ADAM23: variants seen among roughly 807,000 people sequenced by gnomAD.
ADAM23 encodes the protein disintegrin and metalloproteinase domain-containing protein 23.
ADAM23 carries 33 observed loss-of-function variants against 120.1 expected under a neutral mutation model. The ratio of observed to expected loss-of-function variants is 0.27; its 90% CI spans 0.21 to 0.37. The LOEUF is 0.37. ADAM23 is among the 10% of genes least tolerant of loss of function. The pLI, the probability that ADAM23 is intolerant of heterozygous loss-of-function variation, is 1.00. For missense variants in ADAM23, 862 were observed against 1,058.2 expected, an observed-to-expected ratio of 0.81 and a Z score of 2.57; for synonymous variants, 367 against 375.2, an observed-to-expected ratio of 0.98 and a Z score of 0.25.
intron 25 of ADAM23, among the ~76,000 whole-genome samples, chr2:206,612,044 G>C (rs1170208554): frequency 6.6e-6 from 1 of 152,100 alleles, no homozygotes; most frequent in East Asian, 1.9e-4. Context: ...CACACAATAG[G>C]GTGAAGTATT....
At chr2:206,481,545 A>G (rs1695897338) in intron 3 of ADAM23, among the ~76,000 whole-genome samples, 1 of 152,206 alleles carries the variant, frequency 6.6e-6, no homozygotes, top group African/African-American at 2.4e-5. Flanking sequence ...TTTAAATGGA[A>G]TAAATATTTG....
chr2:206,502,080 G>A (rs1445635242), intron 3 of ADAM23, among the ~76,000 whole-genome samples: 1 of 152,050 alleles, frequency 6.6e-6, no homozygotes, highest in African/African-American at 2.4e-5. Context: ...CCTTTGCCTT[G>A]ATTTGGGGAA....
At chr2:206,469,904 A>C (rs185908899) in intron 2 of ADAM23, among the ~76,000 whole-genome samples, 1 of 152,182 alleles carries the variant, frequency 6.6e-6, no homozygotes, top group Non-Finnish European at 1.5e-5. Context: ...TCTTTGCTCA[A>C]ATATCAGCTT....
chr2:206,461,731 C>T (rs1032570962), intron 2 of ADAM23, among the ~76,000 whole-genome samples: 1 of 152,020 alleles, frequency 6.6e-6, no homozygotes, highest in African/African-American at 2.4e-5. Flanking sequence ...CAGTAAAAGG[C>T]ATTTGGGTAT....
At chr2:206,552,747 C>A (rs989238066) in intron 9 of ADAM23, among the ~76,000 whole-genome samples, 1 of 152,104 alleles carries the variant, frequency 6.6e-6, no homozygotes, top group Non-Finnish European at 1.5e-5. Flanking sequence ...GCGCAACCTG[C>A]GCCTCCGCAG....
At chr2:206,535,657 C>T (rs775493210) in intron 4 of ADAM23, among the ~76,000 whole-genome samples, 1 of 152,258 alleles carries the variant, frequency 6.6e-6, no homozygotes, top group East Asian at 1.9e-4. Flanking sequence ...CATACTACAC[C>T]AAAAGATAAA....
intron 18 of ADAM23, among the ~76,000 whole-genome samples, chr2:206,581,448 T>C (rs772916418): frequency 1.2e-4 from 18 of 152,230 alleles, no homozygotes; most frequent in Non-Finnish European, 2.6e-4. Context: ...GTTCGAAGAA[T>C]GTTTTAATTT....
intron 2 of ADAM23, among the ~76,000 whole-genome samples, chr2:206,467,624 G>A (rs1315992382): frequency 6.6e-6 from 1 of 152,200 alleles, no homozygotes; most frequent in Non-Finnish European, 1.5e-5. Flanking sequence ...TACAGGCACA[G>A]GGTGCAAGCT....
At chr2:206,518,486 G>A (rs1696778935) in intron 3 of ADAM23, among the ~76,000 whole-genome samples, 1 of 152,056 alleles carries the variant, frequency 6.6e-6, no homozygotes, top group Non-Finnish European at 1.5e-5. Flanking sequence ...ATTTTTTAGT[G>A]TCTTTGTGAT....
chr2:206,565,103 C>T (rs1180032027), intron 14 of ADAM23, 35 bp downstream of exon 14: 1 of 1,608,158 alleles, frequency 6.2e-7, no homozygotes, highest in Non-Finnish European at 8.5e-7. Flanking sequence ...TGATATATGC[C>T]TTTTGCTAAA....
intron 18 of ADAM23, among the ~76,000 whole-genome samples, chr2:206,583,599 GA>G (rs2105841999): frequency 6.6e-6 from 1 of 151,968 alleles, no homozygotes; most frequent in Non-Finnish European, 1.5e-5. Context: ...GGGTTAATTC[GA>G]AGACTTTGTC....
intron 4 of ADAM23, among the ~76,000 whole-genome samples, chr2:206,534,480 T>C (rs1351208048): frequency 2.0e-5 from 3 of 151,602 alleles, no homozygotes. Context: ...CACATAGTTA[T>C]CTTTTTTTTT....
chr2:206,613,038 T>A (rs1044514708), intron 25 of ADAM23, among the ~76,000 whole-genome samples: 11 of 152,162 alleles, frequency 7.2e-5, no homozygotes, highest in African/African-American at 2.7e-4. Context: ...TGTAATGTTA[T>A]GGGTAGTAAC....
rs1698342147 is a variant in ADAM23 at position 206,587,340 on chromosome 2, C to A, written c.1753C>A (p.His585Asn). The A allele has an allele frequency of 2.5e-6, 4 of 1,607,828 alleles. No homozygotes were observed. The highest frequency in any genetic ancestry group is 3.4e-6 in the Non-Finnish European group (4 of 1,176,852). Residue 585 changes from histidine (H) to asparagine (N), a missense_variant, in exon 19 of 26, where the codon CAT (histidine) becomes AAT (asparagine). Physicochemically the swap from His to Asn is moderately conservative, Grantham distance 68. Around this residue, in one of 4 missense-constraint regions of ADAM23, gnomAD observed 617 missense variants for 813.5 expected, o/e 0.76. Transcript: ENST00000264377. ...TATTTTGCAGTGCCCACCAAATCTT[C>A]ATAAGCAAGACGGATATGCATGCAA... ...GDSGQCPPNL[H>N]KQDGYACNQN... is the part of the protein sequence containing the mutation.
chr2:206,583,181 A>G (rs1157334828), intron 18 of ADAM23, among the ~76,000 whole-genome samples: 1 of 152,186 alleles, frequency 6.6e-6, no homozygotes, highest in African/African-American at 2.4e-5. Flanking sequence ...CCGGCCGGGC[A>G]CAGTGGCTCA....
At chr2:206,507,986 T>C (rs1696529619) in intron 3 of ADAM23, among the ~76,000 whole-genome samples, 1 of 152,146 alleles carries the variant, frequency 6.6e-6, no homozygotes, top group African/African-American at 2.4e-5. Context: ...TTTAATGAAA[T>C]GAAGAAGAGA....
chr2:206,540,694 C>T (rs1467153379), intron 4 of ADAM23, among the ~76,000 whole-genome samples: 4 of 151,932 alleles, frequency 2.6e-5, no homozygotes, highest in Non-Finnish European at 5.9e-5. Flanking sequence ...AACAAGTCAA[C>T]TTATGTCACT....
At position 206,600,784 on chromosome 2, in the gene ADAM23, G is replaced by T. The variant is rs189445961; in HGVS notation, c.2359+4622G>T. Reference sequence around the variant, plus strand: ...ATTTAAGGCATGCTAGATTATTCACGCCAACTTCTCAAACCAAACTATTGA... The same window carrying T: ...ATTTAAGGCATGCTAGATTATTCACTCCAACTTCTCAAACCAAACTATTGA... On this transcript the variant is annotated intron_variant, in intron 24 of 25. Transcript: ENST00000264377. Among the ~76,000 whole-genome samples the T allele has an allele frequency of 2.0e-3, 301 of 151,774 alleles. 1 individual carries two copies. Among genetic ancestry groups the T allele is most frequent in the Non-Finnish European group, 3.4e-3 (232 of 67,968 alleles).
At chr2:206,578,947 GT>G (rs1698171806) in intron 18 of ADAM23, among the ~76,000 whole-genome samples, 2 of 152,096 alleles carry the variant, frequency 1.3e-5, no homozygotes, top group Non-Finnish European at 2.9e-5. Context: ...CAGGAGTAAG[GT>G]GGTATTGCAT....
Sources: gnomAD v4.1 joint callset for allele counts (sites outside exome capture counted in the v4.1 genomes callset) on GRCh38, gnomAD v4.1.1 for gene constraint, gnomAD v4.1.1 regional missense constraint, MANE v1.5 for transcripts, NCBI Gene and HGNC (gene_info 2026-07-23, HGNC 2026-07-21) for gene names.